AUTS2: variants seen among roughly 807,000 people sequenced by gnomAD.
The protein encoded by AUTS2 is autism susceptibility gene 2 protein.
In AUTS2, 17 loss-of-function variants were observed where a neutral mutation model predicts 112.4. The observed-to-expected ratio is 0.15, with a 90% CI of 0.10 to 0.23. The LOEUF (loss-of-function observed/expected upper bound fraction) is 0.23, where lower values mean the gene tolerates loss of function less well. Ranked by LOEUF, AUTS2 falls within the 10% of genes least tolerant of loss-of-function variation. The pLI is 1.00. For synonymous variants in AUTS2, 751 were observed against 702.7 expected, an observed-to-expected ratio of 1.07 and a Z score of -1.09; for missense variants, 1,510 against 1,701.6, an observed-to-expected ratio of 0.89 and a Z score of 1.98.
rs1414666528 is a variant in AUTS2 at position 70,792,633 on chromosome 7, G to C, written c.*1637G>C. On this transcript the variant is annotated 3_prime_UTR_variant, in exon 19 of 19. Coordinates refer to ENST00000342771, the MANE Select transcript of AUTS2 (RefSeq NM_015570.4). The stretch of plus-strand genomic sequence containing the variant: ...GTGCGGTGTTTTTTTTTTTTTTTAA[G>C]ACAACAACTAAAAAAAATGCAAGGA... 1.1e-5 allele frequency: 1 copy of C among 89,476 alleles called. No individual in the cohort carries two copies. The highest frequency in any genetic ancestry group is 2.5e-5 in the Non-Finnish European group (1 of 40,256). The allele number at this position is 89,476 out of a possible 1,614,324, so 5.5% of individuals were successfully genotyped here. A position where few individuals can be genotyped will look rare whatever the true frequency, so the allele number is the denominator to read the frequency against.
chr7:70,348,133 AG>A (rs1050981837), intron 4 of AUTS2, among the ~76,000 whole-genome samples: 38 of 152,310 alleles, frequency 2.5e-4, no homozygotes, highest in African/African-American at 8.4e-4. Context: ...TGTGCTGCAA[AG>A]TCAGAGTAAA....
chr7:70,751,251 C>T (rs1788824627), intron 6 of AUTS2, among the ~76,000 whole-genome samples: 1 of 152,140 alleles, frequency 6.6e-6, no homozygotes, highest in South Asian at 2.1e-4. Flanking sequence ...TAGCAGAGGG[C>T]AGCGGTAGGA....
At chr7:69,654,971 G>T (rs1220379304) in intron 1 of AUTS2, among the ~76,000 whole-genome samples, 2 of 152,116 alleles carry the variant, frequency 1.3e-5, no homozygotes, top group Non-Finnish European at 2.9e-5. Context: ...GGTAGAGGTT[G>T]TGTTTCTGTG....
chr7:70,371,595 A>AT (rs1213589323), intron 4 of AUTS2, among the ~76,000 whole-genome samples: 2 of 152,006 alleles, frequency 1.3e-5, no homozygotes, highest in Non-Finnish European at 2.9e-5. Context: ...GAGTTCCTTC[A>AT]TTTTTTTCCC....
At chr7:69,939,181 A>G (rs1052664435) in intron 2 of AUTS2, among the ~76,000 whole-genome samples, 2 of 152,162 alleles carry the variant, frequency 1.3e-5, no homozygotes, top group African/African-American at 4.8e-5. Context: ...TTCTAGGCTT[A>G]ATTTGTAGAG....
At chr7:70,455,824 G>A (rs537313007) in intron 5 of AUTS2, among the ~76,000 whole-genome samples, 3 of 152,260 alleles carry the variant, frequency 2.0e-5, no homozygotes, top group Admixed American at 1.3e-4. Flanking sequence ...TGAGGTACAG[G>A]AATCTATATT....
intron 1 of AUTS2, among the ~76,000 whole-genome samples, chr7:69,779,039 C>CT (rs71529992): frequency 4.9e-4 from 51 of 103,500 alleles, no homozygotes; most frequent in East Asian, 1.8e-3. Context: ...AGTTGTGAGC[C>CT]TTTTTTTTTT....
At chr7:70,720,301 G>A (rs1810594212) in intron 6 of AUTS2, among the ~76,000 whole-genome samples, 1 of 152,060 alleles carries the variant, frequency 6.6e-6, no homozygotes. Flanking sequence ...GTTTAAGGAA[G>A]TGGTAAGTAC....
chr7:70,081,387 TAAAAAAA>T (rs57155688), intron 2 of AUTS2, among the ~76,000 whole-genome samples: 2 of 88,950 alleles, frequency 2.2e-5, no homozygotes, highest in African/African-American at 4.3e-5. Context: ...CCCGTCTCTA[TAAAAAAA>T]AAAAAAAAAA....
intron 1 of AUTS2, among the ~76,000 whole-genome samples, chr7:69,668,223 G>T (rs1406142118): frequency 1.3e-5 from 2 of 152,136 alleles, no homozygotes; most frequent in Non-Finnish European, 2.9e-5. Context: ...AGTTTTTGTG[G>T]TTCTGTTTTG....
rs1374655031 is a variant in AUTS2, at chr7:70,628,016, G to A, written c.691-70553G>A. Reference sequence around the variant, plus strand: ...CCCGTCTTTCACCTGGCTGATGGAAGAGCATGGGCACAGGTATGGAGGTGT... The same window carrying A: ...CCCGTCTTTCACCTGGCTGATGGAAAAGCATGGGCACAGGTATGGAGGTGT... On this transcript the variant is annotated intron_variant, in intron 5 of 18. Coordinates refer to ENST00000342771, the MANE Select transcript of AUTS2 (RefSeq NM_015570.4). Among the ~76,000 whole-genome samples the A allele has an allele frequency of 3.3e-5, 5 of 152,220 alleles. No homozygotes were observed. In the East Asian group the frequency reaches 9.6e-4, roughly 29 times the overall value.
At chr7:69,863,345 TG>T (rs1793077100) in intron 1 of AUTS2, among the ~76,000 whole-genome samples, 1 of 152,130 alleles carries the variant, frequency 6.6e-6, no homozygotes, top group Admixed American at 6.5e-5. Context: ...TTAAAACATA[TG>T]GGAGGATGTG....
intron 5 of AUTS2, among the ~76,000 whole-genome samples, chr7:70,556,484 G>C (rs1231256981): frequency 6.6e-6 from 1 of 152,170 alleles, no homozygotes; most frequent in African/African-American, 2.4e-5. Flanking sequence ...GTCATTGCTG[G>C]GTTGTGACAA....
chr7:70,422,597 T>C (rs1795268337), intron 4 of AUTS2, among the ~76,000 whole-genome samples: 1 of 152,032 alleles, frequency 6.6e-6, no homozygotes, highest in Non-Finnish European at 1.5e-5. Context: ...GCCAACCTGG[T>C]GAAACCCTGT....
chr7:70,735,319 C>T (rs528428307), intron 6 of AUTS2, among the ~76,000 whole-genome samples: 6 of 152,282 alleles, frequency 3.9e-5, no homozygotes, highest in African/African-American at 1.4e-4. Context: ...GTCAAAACGA[C>T]ATGGCAAATT....
intron 5 of AUTS2, among the ~76,000 whole-genome samples, chr7:70,483,422 A>G (rs1175575530): frequency 6.6e-6 from 1 of 152,180 alleles, no homozygotes; most frequent in Non-Finnish European, 1.5e-5. Flanking sequence ...ATAAAATAAA[A>G]GGGACTGCAA....
chr7:69,663,193 ATGCTCTGT>A (rs1212179568), intron 1 of AUTS2: 1 of 152,180 alleles, frequency 6.6e-6, no homozygotes, highest in African/African-American at 2.4e-5. Context: ...AAATAGCTTT[ATGCTCTGT>A]TACATTAATG....
At chr7:69,892,265 T>G (rs778266134) in intron 1 of AUTS2, among the ~76,000 whole-genome samples, 25 of 150,960 alleles carry the variant, frequency 1.7e-4, no homozygotes, top group Non-Finnish European at 2.5e-4. Flanking sequence ...CTCCACCTCC[T>G]GGGTTAAAGC....
At chr7:70,663,764 G>A (rs1807194865) in intron 5 of AUTS2, among the ~76,000 whole-genome samples, 1 of 152,084 alleles carries the variant, frequency 6.6e-6, no homozygotes, top group Admixed American at 6.6e-5. Context: ...CAACATGCAT[G>A]TACCTGTGAA....
Sources: allele counts gnomAD v4.1 joint callset (sites outside exome capture counted in the v4.1 genomes callset), GRCh38; gene constraint gnomAD v4.1.1; transcripts MANE v1.5; gene names NCBI Gene and HGNC (gene_info 2026-07-23, HGNC 2026-07-21).